ANK3: variants seen among roughly 807,000 people sequenced by gnomAD.
The protein encoded by ANK3 is ankyrin-3.
In ANK3, 57 loss-of-function variants were observed where a neutral mutation model predicts 370.9. The observed-to-expected ratio is 0.15, with a 90% CI of 0.12 to 0.19. The LOEUF is 0.19. Among genes scored for constraint, ANK3 ranks in the 10% least tolerant of loss-of-function variants. The pLI is 1.00. For synonymous variants in ANK3, 1,929 were observed against 1,946.3 expected (o/e 0.99, Z 0.23); for missense variants, 4,439 against 5,302.1 (o/e 0.84, Z 5.06).
intron 7 of ANK3, among the ~76,000 whole-genome samples, chr10:60,241,581 G>A (rs1005788022): frequency 6.6e-6 from 1 of 151,924 alleles, no homozygotes; most frequent in East Asian, 1.9e-4. Context: ...CAACTCCCAG[G>A]TACTACCCCT....
chr10:60,367,738 T>C (rs991332479), intron 1 of ANK3, among the ~76,000 whole-genome samples: 2 of 152,240 alleles, frequency 1.3e-5, no homozygotes, highest in African/African-American at 4.8e-5. Context: ...ACTGCAGATC[T>C]TTCTGACCCA....
chr10:60,100,989 C>T (rs897893986), intron 28 of ANK3, among the ~76,000 whole-genome samples: 3 of 152,118 alleles, frequency 2.0e-5, no homozygotes, highest in African/African-American at 7.2e-5. Context: ...CTATGTTGCC[C>T]AGGCTGAGCT....
intron 1 of ANK3, among the ~76,000 whole-genome samples, chr10:60,340,288 T>C (rs920221112): frequency 6.6e-6 from 1 of 152,208 alleles, no homozygotes; most frequent in Non-Finnish European, 1.5e-5. Flanking sequence ...TACTGAACTA[T>C]AATGGCGTGA....
chr10:60,389,620 C>G lies in ANK3; in HGVS notation c.-82G>C. ...CCTCAGGCACCTCTAATCAGGCTTA[C>G]AGCAGCATTCCAATCACTAGAGAGA... is the stretch of plus-strand genomic sequence containing the variant. On this transcript the variant is annotated 5_prime_UTR_variant, in exon 1 of 44. Coordinates refer to ENST00000280772, the MANE Select transcript of ANK3 (RefSeq NM_020987.5). 6.4e-7 allele frequency: 1 copy of G among 1,563,948 alleles called. No individual in the cohort carries two copies. The highest frequency in any genetic ancestry group is 8.6e-7 in the Non-Finnish European group (1 of 1,160,384).
At chr10:60,243,987 A>G (rs1053800158) in intron 7 of ANK3, among the ~76,000 whole-genome samples, 6 of 152,190 alleles carry the variant, frequency 3.9e-5, no homozygotes, top group African/African-American at 1.4e-4. Context: ...GTGGTATATA[A>G]CATGATCTAC....
intron 1 of ANK3, among the ~76,000 whole-genome samples, chr10:60,688,676 C>T (rs1481589655): frequency 6.6e-6 from 1 of 152,142 alleles, no homozygotes; most frequent in Admixed American, 6.5e-5. Flanking sequence ...AGGCCGGGTG[C>T]GGTGGCACAT....
chr10:60,134,283 T>G lies in ANK3; in HGVS notation c.2829A>C (p.Pro943=). 6.2e-7 allele frequency: 1 copy of G among 1,613,648 alleles called. No homozygotes were observed. Among genetic ancestry groups the G allele is most frequent in the East Asian group, 2.2e-5 (1 of 44,832 alleles). The change falls in exon 25 of 44, where the codon CCA becomes CCC. Residue 943 remains proline, a synonymous_variant. Transcript: ENST00000280772. The part of the protein sequence containing the change: ...DSMMIEELLV[P]SKEQHLTFTR... The stretch of plus-strand genomic sequence containing the variant: ...AAAGAATGCATACCTGCTCTTTGGA[T>G]GGCACAAGGAGTTCTTCAATCATCA...
At chr10:60,032,553 A>G (rs1018858702) in intron 43 of ANK3, among the ~76,000 whole-genome samples, 2 of 152,008 alleles carry the variant, frequency 1.3e-5, no homozygotes, top group Non-Finnish European at 2.9e-5. Flanking sequence ...GATCATCACT[A>G]CTTTTCTCCA....
intron 5 of ANK3, among the ~76,000 whole-genome samples, chr10:60,269,418 G>A (rs1035474267): frequency 1.2e-4 from 18 of 152,064 alleles, no homozygotes; most frequent in African/African-American, 4.3e-4. Context: ...GGCCGAGGCG[G>A]GTGGATCACG....
intron 1 of ANK3, among the ~76,000 whole-genome samples, chr10:60,286,537 T>C (rs992610849): frequency 1.6e-4 from 24 of 152,186 alleles, no homozygotes; most frequent in African/African-American, 5.5e-4. Context: ...CTATGAAAGA[T>C]ACTGTCATTA....
intron 2 of ANK3, among the ~76,000 whole-genome samples, chr10:60,445,555 A>C (rs539346754): frequency 1.3e-5 from 2 of 152,292 alleles, no homozygotes; most frequent in African/African-American, 2.4e-5. Flanking sequence ...ACTAAAAAAA[A>C]AAAAAGGAGC....
chr10:60,644,981 G>A (rs556230203), intron 1 of ANK3, among the ~76,000 whole-genome samples: 21 of 149,764 alleles, frequency 1.4e-4, no homozygotes, highest in African/African-American at 2.0e-4. Context: ...AGTAATTGTC[G>A]TCTACATGGT....
intron 2 of ANK3, among the ~76,000 whole-genome samples, chr10:60,592,311 T>C (rs187346418): frequency 1.2e-3 from 180 of 152,274 alleles, no homozygotes; most frequent in Admixed American, 2.0e-3. Flanking sequence ...AGAACAATAT[T>C]TTGATTTCAG....
chr10:60,696,587 G>C (rs1417989800), intron 1 of ANK3, among the ~76,000 whole-genome samples: 1 of 149,072 alleles, frequency 6.7e-6, no homozygotes, highest in Admixed American at 6.6e-5. Context: ...GGGATGCAAG[G>C]CTGGTTCAAT....
intron 32 of ANK3, chr10:60,083,931 T>C (rs979880105): frequency 5.6e-5 from 11 of 196,772 alleles, no homozygotes; most frequent in Non-Finnish European, 1.0e-4. Context: ...AGCTTTTTTT[T>C]TTTTTTTGCA....
chr10:60,256,533 T>C (rs1592583675), intron 7 of ANK3, among the ~76,000 whole-genome samples: 1 of 152,202 alleles, frequency 6.6e-6, no homozygotes, highest in African/African-American at 2.4e-5. Flanking sequence ...GCAGGTTTGT[T>C]ACGTGGGTAT....
chr10:60,117,482 A>C (rs1371327632), intron 25 of ANK3, among the ~76,000 whole-genome samples: 1 of 152,202 alleles, frequency 6.6e-6, no homozygotes, highest in African/African-American at 2.4e-5. Context: ...GACATCAAGC[A>C]AGTGAAAAAA....
chr10:60,615,942 A>C (rs954827535), intron 1 of ANK3, among the ~76,000 whole-genome samples: 3 of 152,218 alleles, frequency 2.0e-5, no homozygotes, highest in Admixed American at 6.5e-5. Flanking sequence ...ATATAGTAAT[A>C]TGTGCAATAT....
intron 1 of ANK3, among the ~76,000 whole-genome samples, chr10:60,668,479 G>A (rs557969727): frequency 6.8e-6 from 1 of 146,904 alleles, no homozygotes; most frequent in Admixed American, 6.6e-5. Context: ...CTGGCAGACT[G>A]TTTTCACATC....
Sources: allele counts gnomAD v4.1 joint callset (sites outside exome capture counted in the v4.1 genomes callset), GRCh38; gene constraint gnomAD v4.1.1; transcripts MANE v1.5; gene names NCBI Gene and HGNC (gene_info 2026-07-23, HGNC 2026-07-21).